The following TTC21B variants were observed in gnomAD, a reference collection of about 807,000 sequenced individuals.
TTC21B encodes tetratricopeptide repeat domain 21B.
In TTC21B, 127 loss-of-function variants were observed where a neutral mutation model predicts 175.1. The ratio of observed to expected loss-of-function variants is 0.73; its 90% confidence interval spans 0.63 to 0.84. TTC21B has a LOEUF of 0.84. Among genes scored for constraint, TTC21B ranks in the 40% least tolerant of loss-of-function variants. The probability of loss-of-function intolerance (pLI) is 0.00; values close to 1 mark genes in which losing one functional copy is unlikely to be tolerated. For missense variants in TTC21B, 1,561 were observed against 1,558.3 expected (o/e 1.00, Z -0.03); for synonymous variants, 524 against 524.5 (o/e 1.00, Z 0.01).
At position 165,914,204 on chromosome 2, in the gene TTC21B, AT is replaced by A. The variant is rs563583683; in HGVS notation, c.2139-559del. Among the ~76,000 whole-genome samples, 283 of 152,342 alleles carry A rather than the reference AT, an allele frequency of 1.9e-3. 1 individual carries two copies. Among genetic ancestry groups the A allele is most frequent in the African/African-American group, 6.6e-3 (273 of 41,592 alleles). On this transcript the variant is annotated intron_variant, in intron 15 of 28. Transcript: ENST00000243344. ...TTAAGTCTTTAACATACAGTATTTCATCTAACTGGTCCAAAAACTCTTGAGA... is the reference window on the plus strand; with the variant it reads ...TTAAGTCTTTAACATACAGTATTTCACTAACTGGTCCAAAAACTCTTGAGA...
intron 22 of TTC21B, among the ~76,000 whole-genome samples, chr2:165,896,806 C>T (rs868567231): frequency 6.6e-6 from 1 of 152,212 alleles, no homozygotes. Context: ...TTTTATTCTA[C>T]AGGGTATTAG....
intron 27 of TTC21B, among the ~76,000 whole-genome samples, chr2:165,879,230 C>A (rs1436544900): frequency 6.6e-6 from 1 of 152,086 alleles, no homozygotes; most frequent in Non-Finnish European, 1.5e-5. Context: ...TGAGGTCTTC[C>A]AAGGAATGGA....
chr2:165,944,111 C>T (rs372867761), intron 4 of TTC21B, among the ~76,000 whole-genome samples: 3 of 152,064 alleles, frequency 2.0e-5, no homozygotes, highest in Admixed American at 1.3e-4. Flanking sequence ...ATGCTATGTG[C>T]TAAATCAGTG....
intron 6 of TTC21B, among the ~76,000 whole-genome samples, chr2:165,934,517 A>AAAAAAAAAAAAAAAAG (rs1553514802): frequency 8.6e-6 from 1 of 116,526 alleles, no homozygotes; most frequent in African/African-American, 3.2e-5. Flanking sequence ...AAAAAAAAAA[A>AAAAAAAAAAAAAAAAG]AAAAGAAAAG....
chr2:165,919,531 T>G, intron 12 of TTC21B, 98 bp from the exon 13 acceptor site: 1 of 1,338,326 alleles, frequency 7.5e-7, no homozygotes, highest in Non-Finnish European at 1.1e-6. Flanking sequence ...CGGATAGCCC[T>G]AGTGTTTGTA....
intron 21 of TTC21B, 52 bp from the exon 22 acceptor site, chr2:165,898,819 A>G (rs1685456572): frequency 3.7e-6 from 4 of 1,090,236 alleles, no homozygotes; most frequent in Non-Finnish European, 5.7e-6. Context: ...TTTACACAAC[A>G]TGTTCTTCCA....
chr2:165,906,312 AAATT>A (rs1324017770), intron 19 of TTC21B, among the ~76,000 whole-genome samples: 2 of 151,284 alleles, frequency 1.3e-5, no homozygotes, highest in Non-Finnish European at 1.5e-5. Context: ...AGTGTAGAAG[AAATT>A]AATTATGAGG....
At chr2:165,905,482 GA>G (rs1325499623) in intron 19 of TTC21B, among the ~76,000 whole-genome samples, 1 of 152,044 alleles carries the variant, frequency 6.6e-6, no homozygotes, top group Non-Finnish European at 1.5e-5. Flanking sequence ...GTACTAAAAG[GA>G]AACTGGAGTT....
chr2:165,930,311 A>C lies in TTC21B; in HGVS notation c.948T>G (p.Ala316=). The change falls in exon 9 of 29, where the codon GCT becomes GCG. Residue 316 remains alanine, a synonymous_variant. Transcript: ENST00000243344. ...LQKIQTLLER[A]FSLNPQQSEF... ...CTGATTGCTGAGGGTTTAAACTAAA[A>C]GCTCTCTCAAGTAACGTTTGAATTT... 6.2e-7 allele frequency: 1 copy of C among 1,613,044 alleles called. No individual in the cohort carries two copies. The highest frequency in any genetic ancestry group is 8.5e-7 in the Non-Finnish European group (1 of 1,179,314).
chr2:165,940,994 C>G (rs754808656), intron 6 of TTC21B, 33 bp downstream of exon 6: 8 of 1,611,068 alleles, frequency 5.0e-6, no homozygotes, highest in Non-Finnish European at 6.8e-6. Context: ...TAACCAAATC[C>G]AAAGAGACTT....
At chr2:165,920,047 T>C (rs1686328960) in intron 12 of TTC21B, among the ~76,000 whole-genome samples, 1 of 152,194 alleles carries the variant, frequency 6.6e-6, no homozygotes, top group African/African-American at 2.4e-5. Flanking sequence ...TGACAGGAAT[T>C]GAGGAATTGA....
intron 12 of TTC21B, among the ~76,000 whole-genome samples, chr2:165,920,765 GAAATATTTTAAATA>G (rs1686364724): frequency 6.7e-6 from 1 of 148,890 alleles, no homozygotes; most frequent in African/African-American, 2.6e-5. Flanking sequence ...AAAATATTTT[GAAATATTTTAAATA>G]TTTAAAATAT....
In TTC21B at chr2:165,911,339, C is replaced by A. The variant is rs376354424; in HGVS notation, c.2449G>T (p.Ala817Ser). Residue 817 changes from alanine (A) to serine (S), a missense_variant, in exon 18 of 29, where the codon GCT (alanine) becomes TCT (serine). Transcript: ENST00000243344. Reference protein sequence around the residue: ...KAEKVLQHALAHEPVNELSAL... With the variant: ...KAEKVLQHALSHEPVNELSAL... ...AAGACTTTCATACCAGGTTCATGAG[C>A]CAGAGCATGCTGAAGAACTTTTTCT... is the stretch of plus-strand genomic sequence containing the variant. 16 of 1,613,636 alleles carry A rather than the reference C, an allele frequency of 9.9e-6. No homozygotes were observed. In the East Asian group the frequency reaches 2.7e-4, roughly 27 times the overall value.
intron 25 of TTC21B, among the ~76,000 whole-genome samples, chr2:165,884,964 G>A (rs1361557497): frequency 1.3e-5 from 2 of 152,192 alleles, no homozygotes; most frequent in East Asian, 3.9e-4. Flanking sequence ...CTAGTGCATA[G>A]CGAGACCTCG....
chr2:165,908,518 T>C (rs1685820878), intron 18 of TTC21B, among the ~76,000 whole-genome samples: 1 of 152,172 alleles, frequency 6.6e-6, no homozygotes, highest in African/African-American at 2.4e-5. Context: ...CAAAAATGTT[T>C]CCTCCACCAT....
intron 11 of TTC21B, among the ~76,000 whole-genome samples, chr2:165,925,429 T>C (rs1480129945): frequency 1.3e-5 from 2 of 152,300 alleles, no homozygotes; most frequent in South Asian, 2.1e-4. Flanking sequence ...AAAATGTTCA[T>C]TCCTCCTGCT....
intron 6 of TTC21B, 86 bp downstream of exon 6, chr2:165,940,941 C>A: frequency 6.7e-7 from 1 of 1,484,900 alleles, no homozygotes; most frequent in African/African-American, 1.4e-5. Context: ...ATTTAAAAAC[C>A]CTTATGAAAA....
chr2:165,949,876 GA>G (rs1296313169), intron 1 of TTC21B, 152 bp from the exon 2 acceptor site: 1 of 673,814 alleles, frequency 1.5e-6, no homozygotes, highest in Non-Finnish European at 2.5e-6. Context: ...TTAATGGCTA[GA>G]ACTCAATGCT....
Position 165,913,560 on chromosome 2 carries a change from A to G in TTC21B, c.2211+14T>C. 1 of 1,583,306 alleles carries G rather than the reference A, an allele frequency of 6.3e-7. No individual in the cohort carries two copies. The highest frequency in any genetic ancestry group is 1.7e-5 in the Admixed American group (1 of 59,952). On this transcript the variant is annotated intron_variant, in intron 16 of 28. Transcript: ENST00000243344. ...TTTTTTAAAAATGCAGTTCAGTAAC[A>G]TCAGAAATTTTACCTCTAGAATATT...
Sources: allele counts gnomAD v4.1 joint callset (sites outside exome capture counted in the v4.1 genomes callset), GRCh38; gene constraint gnomAD v4.1.1; transcripts MANE v1.5; gene names NCBI Gene and HGNC (gene_info 2026-07-23, HGNC 2026-07-21).